The following SORCS2 variants were observed in gnomAD, a reference collection of about 807,000 sequenced individuals.
The protein encoded by SORCS2 is VPS10 domain-containing receptor SorCS2.
SORCS2 carries 100 observed loss-of-function variants against 141.6 expected under a neutral mutation model. The ratio of observed to expected loss-of-function variants is 0.71; its 90% CI spans 0.60 to 0.83. The LOEUF is 0.83. SORCS2 is among the 40% of genes least tolerant of loss of function. The pLI is 0.00. For missense variants in SORCS2, 1,646 were observed against 1,560.2 expected (o/e 1.05, Z -0.93); for synonymous variants, 789 against 676.9 (o/e 1.17, Z -2.57).
At chr4:7,438,582 T>C (rs1727454392) in intron 2 of SORCS2, among the ~76,000 whole-genome samples, 1 of 152,144 alleles carries the variant, frequency 6.6e-6, no homozygotes, top group Non-Finnish European at 1.5e-5. Context: ...CTTCTGTGAA[T>C]AAAAAAGCTT....
At chr4:7,603,574 T>C (rs1717875737) in intron 3 of SORCS2, among the ~76,000 whole-genome samples, 1 of 152,268 alleles carries the variant, frequency 6.6e-6, no homozygotes, top group East Asian at 1.9e-4. Context: ...TTCCTATTCA[T>C]ATTTTATTCT....
intron 1 of SORCS2, among the ~76,000 whole-genome samples, chr4:7,377,014 C>T (rs1722699774): frequency 6.6e-6 from 1 of 152,102 alleles, no homozygotes; most frequent in African/African-American, 2.4e-5. Flanking sequence ...TGGTTTGTGC[C>T]TGCAAAGAGT....
At chr4:7,511,508 CAG>C (rs1300402615) in intron 2 of SORCS2, among the ~76,000 whole-genome samples, 2 of 151,338 alleles carry the variant, frequency 1.3e-5, no homozygotes, top group Non-Finnish European at 2.9e-5. Flanking sequence ...GACAGAGAAA[CAG>C]AGAAAGAGAC....
At chr4:7,690,479 T>G (rs996066415) in intron 11 of SORCS2, among the ~76,000 whole-genome samples, 1 of 149,584 alleles carries the variant, frequency 6.7e-6, no homozygotes, top group Non-Finnish European at 1.5e-5. Flanking sequence ...AGTGGGTGGA[T>G]GGATGATGGA....
At chr4:7,486,754 C>G (rs1319289895) in intron 2 of SORCS2, among the ~76,000 whole-genome samples, 4 of 152,214 alleles carry the variant, frequency 2.6e-5, no homozygotes, top group Non-Finnish European at 5.9e-5. Flanking sequence ...TGCGTGCCCC[C>G]AGCCTCTACA....
At chr4:7,587,237 G>A (rs1424696118) in intron 3 of SORCS2, among the ~76,000 whole-genome samples, 3 of 152,062 alleles carry the variant, frequency 2.0e-5, no homozygotes, top group Non-Finnish European at 4.4e-5. Flanking sequence ...GAGAGTTGAG[G>A]GGTTTTAGGT....
At chr4:7,578,600 T>G (rs1715928137) in intron 3 of SORCS2, among the ~76,000 whole-genome samples, 1 of 152,222 alleles carries the variant, frequency 6.6e-6, no homozygotes, top group South Asian at 2.1e-4. Context: ...TTCTTTTACA[T>G]GTAAAGTGTG....
intron 1 of SORCS2, among the ~76,000 whole-genome samples, chr4:7,387,701 C>G (rs1196454504): frequency 6.8e-6 from 1 of 147,314 alleles, no homozygotes; most frequent in African/African-American, 2.6e-5. Flanking sequence ...GATACACACG[C>G]ACATGCACAC....
intron 3 of SORCS2, among the ~76,000 whole-genome samples, chr4:7,603,055 A>T (rs1717838919): frequency 6.6e-6 from 1 of 152,148 alleles, no homozygotes; most frequent in Non-Finnish European, 1.5e-5. Context: ...GGCACTCCGC[A>T]GGCTGAGGCA....
chr4:7,227,212 G>A (rs1407747771), intron 1 of SORCS2, among the ~76,000 whole-genome samples: 1 of 152,234 alleles, frequency 6.6e-6, no homozygotes, highest in Non-Finnish European at 1.5e-5. Context: ...CAGTGCTTCA[G>A]GCCTCTCGAG....
chr4:7,727,006 C>G (rs1056994476), intron 21 of SORCS2, 103 bp downstream of exon 21: 6 of 1,382,080 alleles, frequency 4.3e-6, no homozygotes, highest in Non-Finnish European at 1.9e-6. Flanking sequence ...CCTGGTCACC[C>G]TGAGTGGCCC....
chr4:7,446,242 T>G (rs1402795413), intron 2 of SORCS2, among the ~76,000 whole-genome samples: 1 of 152,062 alleles, frequency 6.6e-6, no homozygotes, highest in African/African-American at 2.4e-5. Flanking sequence ...TCAGTAAGCC[T>G]CTGATGTCGC....
intron 2 of SORCS2, among the ~76,000 whole-genome samples, chr4:7,458,096 C>A (rs1290964793): frequency 6.6e-6 from 1 of 152,166 alleles, no homozygotes; most frequent in African/African-American, 2.4e-5. Flanking sequence ...ATAGGTGACA[C>A]AGTACTTCTG....
At chr4:7,689,375 C>A in intron 10 of SORCS2, 111 bp from the exon 11 acceptor site, 1 of 991,118 alleles carries the variant, frequency 1.0e-6, no homozygotes, top group Non-Finnish European at 1.5e-6. Context: ...GCACTCCTGG[C>A]CCAGCCTTCT....
chr4:7,405,569 G>A (rs947668371), intron 2 of SORCS2, among the ~76,000 whole-genome samples: 2 of 151,854 alleles, frequency 1.3e-5, no homozygotes, highest in East Asian at 3.9e-4. Context: ...CACTTCCTTG[G>A]TTAAATTTAT....
intron 1 of SORCS2, among the ~76,000 whole-genome samples, chr4:7,328,594 GA>G (rs1719434871): frequency 6.6e-6 from 1 of 152,076 alleles, no homozygotes; most frequent in Non-Finnish European, 1.5e-5. Flanking sequence ...TGATTCATGC[GA>G]GAAGCGTTTC....
At position 7,648,054 on chromosome 4, in the gene SORCS2, C is replaced by A. The variant is rs1038283266; in HGVS notation, c.814-6080C>A. On this transcript the variant is annotated intron_variant, in intron 4 of 26. Transcript: ENST00000507866. The surrounding 1 kb of genome is among the most constrained non-coding windows in gnomAD (Gnocchi z 4.2). The stretch of plus-strand genomic sequence containing the variant: ...AGGTGGAGTGGGGAAGTGGGGTGGC[C>A]TGAGATGGAATGGGGTGCCGGCCCC... Among the ~76,000 whole-genome samples the A allele has an allele frequency of 1.3e-5, 2 of 151,892 alleles. No individual in the cohort carries two copies. Among genetic ancestry groups the A allele is most frequent in the South Asian group, 2.1e-4 (1 of 4,808 alleles).
intron 12 of SORCS2, among the ~76,000 whole-genome samples, chr4:7,697,816 G>A (rs1229223040): frequency 1.3e-5 from 2 of 152,064 alleles, no homozygotes; most frequent in Non-Finnish European, 2.9e-5. Flanking sequence ...GTGTCTGGGG[G>A]CTATCCCAGG....
At chr4:7,412,769 G>C (rs1353003027) in intron 2 of SORCS2, among the ~76,000 whole-genome samples, 1 of 151,908 alleles carries the variant, frequency 6.6e-6, no homozygotes, top group Non-Finnish European at 1.5e-5. Context: ...GTCCCCCTGG[G>C]CTCAGCTGTC....
Sources: gnomAD v4.1 joint callset for allele counts (sites outside exome capture counted in the v4.1 genomes callset) on GRCh38, gnomAD v4.1.1 for gene constraint, Gnocchi (gnomAD v3.1) non-coding constraint, MANE v1.5 for transcripts, NCBI Gene and HGNC (gene_info 2026-07-23, HGNC 2026-07-21) for gene names.